VPS13B: variants seen among roughly 807,000 people sequenced by gnomAD.
VPS13B encodes intermembrane lipid transfer protein VPS13B.
Under a neutral mutation model 426.4 loss-of-function variants are expected in VPS13B, and 285 were observed. That is an observed-to-expected ratio of 0.67 (90% CI 0.61 to 0.74). VPS13B has a LOEUF of 0.74. Ranked by LOEUF, VPS13B falls within the 30% of genes least tolerant of loss-of-function variation. The pLI, the probability that VPS13B is intolerant of heterozygous loss-of-function variation, is 0.00. For missense variants in VPS13B, 4,537 were observed against 4,782.6 expected (o/e 0.95, Z 1.51); for synonymous variants, 1,676 against 1,676.4 (o/e 1.00, Z 0.01).
At chr8:99,085,341 G>T (rs986952173) in intron 3 of VPS13B, among the ~76,000 whole-genome samples, 1 of 152,078 alleles carries the variant, frequency 6.6e-6, no homozygotes, top group Admixed American at 6.5e-5. Flanking sequence ...TTGAGCCTAT[G>T]TGTGTCTCTG....
rs548052959 is a variant in VPS13B, at chr8:99,438,037, T to G, written c.3211-4364T>G. On this transcript the variant is annotated intron_variant, in intron 22 of 61. Transcript: ENST00000357162. ...TGTACTAGCATTTTCTTTTCCTCTT[T>G]TTTTTTTTTTTTTTTTGTACTCTCT... 6.1e-3 allele frequency among the ~76,000 whole-genome samples: 901 copies of G among 148,768 alleles called. 7 individuals carry two copies. Among genetic ancestry groups the G allele is most frequent in the African/African-American group, 0.021 (848 of 39,996 alleles).
At chr8:99,029,146 C>A (rs1009998604) in intron 2 of VPS13B, among the ~76,000 whole-genome samples, 1 of 146,480 alleles carries the variant, frequency 6.8e-6, no homozygotes, top group African/African-American at 2.6e-5. Context: ...GACAGGGCGG[C>A]GGGGCAGAGG....
At chr8:99,374,920 C>T (rs995786009) in intron 19 of VPS13B, among the ~76,000 whole-genome samples, 3 of 152,160 alleles carry the variant, frequency 2.0e-5, no homozygotes, top group Non-Finnish European at 2.9e-5. Context: ...GTGCTTCTTT[C>T]TTTCTACCAG....
intron 3 of VPS13B, among the ~76,000 whole-genome samples, chr8:99,065,224 G>T (rs1240226789): frequency 6.6e-6 from 1 of 152,016 alleles, no homozygotes; most frequent in Admixed American, 6.6e-5. Flanking sequence ...AGAATTTCAG[G>T]TTGATATCCC....
rs567143344 is a variant in VPS13B at position 99,304,227 on chromosome 8, A to G, written c.2824+28973A>G. On this transcript the variant is annotated intron_variant, in intron 19 of 61. Transcript: ENST00000357162. ...GATTTGGCACATCAAAATAGTAGTT[A>G]TTATTATAATGGCTCGAGTTTTTGG... 5.3e-5 allele frequency among the ~76,000 whole-genome samples: 8 copies of G among 152,220 alleles called. No individual in the cohort carries two copies. In the South Asian group the frequency reaches 1.7e-3, roughly 32 times the overall value.
chr8:99,322,074 C>A (rs962626613), intron 19 of VPS13B, among the ~76,000 whole-genome samples: 1 of 152,142 alleles, frequency 6.6e-6, no homozygotes, highest in Non-Finnish European at 1.5e-5. Flanking sequence ...TGGCCAAAGA[C>A]CACGTGTTCC....
intron 30 of VPS13B, chr8:99,536,776 C>T (rs753451230): frequency 1.5e-5 from 8 of 528,796 alleles, no homozygotes; most frequent in Admixed American, 9.8e-5. Context: ...ATAGAAGTCA[C>T]GAAGCTTATG....
chr8:99,662,648 A>C (rs996252795), intron 35 of VPS13B, among the ~76,000 whole-genome samples: 3 of 151,950 alleles, frequency 2.0e-5, no homozygotes, highest in African/African-American at 7.2e-5. Context: ...AGGTCTCGCT[A>C]TGTTGCCCAG....
At chr8:99,164,711 CTTCT>C (rs200562919) in intron 15 of VPS13B, among the ~76,000 whole-genome samples, 8,268 of 151,972 alleles carry the variant, frequency 0.054, 259 homozygotes, top group African/African-American at 0.088. Flanking sequence ...TCTTCGACTT[CTTCT>C]TTGTCTCTTC....
intron 31 of VPS13B, among the ~76,000 whole-genome samples, chr8:99,560,453 T>C (rs934655278): frequency 5.9e-5 from 9 of 152,192 alleles, no homozygotes; most frequent in South Asian, 2.1e-4. Flanking sequence ...TAATTACTTA[T>C]ATAACTACCT....
chr8:99,641,133 T>C (rs182040786), intron 33 of VPS13B, among the ~76,000 whole-genome samples: 1 of 152,322 alleles, frequency 6.6e-6, no homozygotes, highest in Admixed American at 6.5e-5. Context: ...TAGTAGCCTT[T>C]ATTGCACAAA....
At chr8:99,228,975 A>G (rs1326029436) in intron 17 of VPS13B, among the ~76,000 whole-genome samples, 1 of 151,976 alleles carries the variant, frequency 6.6e-6, no homozygotes, top group Non-Finnish European at 1.5e-5. Flanking sequence ...CAATCATCAC[A>G]TGTTTCACAT....
intron 22 of VPS13B, among the ~76,000 whole-genome samples, 198 bp downstream of exon 22, chr8:99,431,862 A>C (rs751864920): frequency 6.4e-4 from 98 of 152,124 alleles, no homozygotes; most frequent in Admixed American, 3.4e-3. Context: ...ACTTCCTTAT[A>C]GTTATAAAAA....
chr8:99,861,226 G>A (rs1306843689), intron 57 of VPS13B, among the ~76,000 whole-genome samples: 2 of 152,162 alleles, frequency 1.3e-5, no homozygotes, highest in Non-Finnish European at 2.9e-5. Flanking sequence ...CTGCACCTGC[G>A]ATTCTTACCC....
chr8:99,140,404 G>A (rs1588081160), intron 12 of VPS13B, among the ~76,000 whole-genome samples: 1 of 147,236 alleles, frequency 6.8e-6, no homozygotes, highest in Non-Finnish European at 1.5e-5. Context: ...AGTAAATACA[G>A]TAATAAAGGA....
rs373089409 is a variant in VPS13B, at chr8:99,809,557, G to A, written c.8097+27G>A. ...TAAGTTTCTTTGTGTTCATGACCCA[G>A]ACACCTCTTAATTATTCAGTGTAAT... is the stretch of plus-strand genomic sequence containing the variant. On this transcript the variant is annotated intron_variant, in intron 44 of 61. Transcript: ENST00000357162. The A allele has an allele frequency of 2.5e-6, 4 of 1,613,462 alleles. No individual in the cohort carries two copies. In the African/African-American group the frequency reaches 5.3e-5, roughly 22 times the overall value.
At chr8:99,064,415 G>T (rs536209130) in intron 3 of VPS13B, among the ~76,000 whole-genome samples, 2 of 152,182 alleles carry the variant, frequency 1.3e-5, no homozygotes, top group Non-Finnish European at 2.9e-5. Context: ...GACCTTAAAT[G>T]ACCTGATGGA....
chr8:99,013,334 C>T lies in VPS13B; in HGVS notation c.-43C>T, dbSNP rs1563481937. On this transcript the variant is annotated 5_prime_UTR_variant, in exon 1 of 62. Coordinates refer to ENST00000357162, the MANE Select transcript of VPS13B (RefSeq NM_152564.5). ...GGACTTGGAGGTGGAGGGGACGCGGCGGTACTCTGGCGTGTGAGCCGAGGG... is the reference window on the plus strand; with the variant it reads ...GGACTTGGAGGTGGAGGGGACGCGGTGGTACTCTGGCGTGTGAGCCGAGGG... 3 of 254,390 alleles carry T rather than the reference C, an allele frequency of 1.2e-5. No individual in the cohort carries two copies. Among genetic ancestry groups the T allele is most frequent in the Non-Finnish European group, 2.3e-5 (3 of 128,560 alleles). The allele number at this position is 254,390 out of a possible 1,614,324, so 15.8% of individuals were successfully genotyped here.
At chr8:99,445,617 C>A (rs562790275) in intron 23 of VPS13B, among the ~76,000 whole-genome samples, 102 of 150,866 alleles carry the variant, frequency 6.8e-4, no homozygotes, top group African/African-American at 2.3e-3. Context: ...TCTCACTATT[C>A]TTTTTTTTAA....
Sources: allele counts gnomAD v4.1 joint callset (sites outside exome capture counted in the v4.1 genomes callset), GRCh38; gene constraint gnomAD v4.1.1; transcripts MANE v1.5; gene names NCBI Gene and HGNC (gene_info 2026-07-23, HGNC 2026-07-21).